PTPRQ: variants seen among roughly 807,000 people sequenced by gnomAD.
The protein encoded by PTPRQ is phosphatidylinositol phosphatase PTPRQ.
A neutral mutation model predicts 246.0 loss-of-function variants in PTPRQ; 199 were observed. The observed-to-expected ratio is 0.81, with a 90% confidence interval of 0.72 to 0.91. The LOEUF (loss-of-function observed/expected upper bound fraction) is 0.91. Ranked by LOEUF, PTPRQ falls within the 40% of genes least tolerant of loss-of-function variation. The pLI is 0.00. For synonymous variants in PTPRQ, 869 were observed against 853.2 expected, an observed-to-expected ratio of 1.02 and a Z score of -0.32; for missense variants, 2,624 against 2,528.4, an observed-to-expected ratio of 1.04 and a Z score of -0.81.
Position 80,472,085 on chromosome 12 carries a change from C to A in PTPRQ, c.1040-20C>A. ...ACGCTTGATAAAAAATAATCCATAG[C>A]TATCTTCCACTTTTTGCAGGTCGCA... is the stretch of plus-strand genomic sequence containing the variant. On this transcript the variant is annotated intron_variant, in intron 7 of 44. Transcript: ENST00000644991. The A allele has an allele frequency of 6.4e-7, 1 of 1,550,704 alleles. No individual in the cohort carries two copies. Among genetic ancestry groups the A allele is most frequent in the Non-Finnish European group, 8.7e-7 (1 of 1,146,654 alleles).
chr12:80,623,863 A>G (rs1362742463), intron 33 of PTPRQ, among the ~76,000 whole-genome samples: 1 of 152,142 alleles, frequency 6.6e-6, no homozygotes, highest in Non-Finnish European at 1.5e-5. Context: ...AGCGCCAAGC[A>G]TCAGGAACCA....
At chr12:80,612,683 C>T (rs1898598102) in intron 28 of PTPRQ, among the ~76,000 whole-genome samples, 1 of 150,318 alleles carries the variant, frequency 6.7e-6, no homozygotes. Flanking sequence ...CACTCTTGGG[C>T]ACTGATCACA....
chr12:80,623,781 C>T (rs1899088249), intron 33 of PTPRQ, among the ~76,000 whole-genome samples: 1 of 151,968 alleles, frequency 6.6e-6, no homozygotes, highest in South Asian at 2.1e-4. Flanking sequence ...CATGTTCCGT[C>T]AGTTATCTGA....
intron 25 of PTPRQ, among the ~76,000 whole-genome samples, chr12:80,585,801 T>G (rs1441822029): frequency 6.6e-6 from 1 of 151,428 alleles, no homozygotes; most frequent in Admixed American, 6.6e-5. Flanking sequence ...GTTACATATG[T>G]ATACATGTGC....
At chr12:80,488,775 C>T (rs1026029665) in intron 9 of PTPRQ, among the ~76,000 whole-genome samples, 2 of 151,838 alleles carry the variant, frequency 1.3e-5, no homozygotes, top group Admixed American at 6.6e-5. Context: ...AATTTTTTTC[C>T]AGTGAATCCC....
chr12:80,502,246 T>G (rs1427433200), intron 14 of PTPRQ, among the ~76,000 whole-genome samples: 1 of 151,876 alleles, frequency 6.6e-6, no homozygotes, highest in Admixed American at 6.6e-5. Flanking sequence ...AGCTCTCTTC[T>G]CAGTGTTTTT....
intron 26 of PTPRQ, among the ~76,000 whole-genome samples, chr12:80,599,142 A>G (rs965107594): frequency 7.2e-5 from 11 of 151,964 alleles, no homozygotes; most frequent in Non-Finnish European, 1.6e-4. Flanking sequence ...GATGGGAAAG[A>G]TGACCCTGAC....
intron 7 of PTPRQ, 101 bp downstream of exon 7, chr12:80,468,939 G>C (rs892792545): frequency 1.4e-6 from 2 of 1,448,304 alleles, no homozygotes; most frequent in African/African-American, 2.9e-5. Context: ...CTTTTTAAAA[G>C]ACTCTAAGAT....
intron 6 of PTPRQ, among the ~76,000 whole-genome samples, chr12:80,467,043 A>G (rs1196821535): frequency 1.3e-5 from 2 of 151,876 alleles, no homozygotes; most frequent in East Asian, 3.8e-4. Context: ...TGCATAGCAA[A>G]AGAAACTACC....
In PTPRQ at chr12:80,460,810, T is replaced by TG; in HGVS notation, c.819dup (p.Arg274GlufsTer9). ...CCTATCAGTTTTGTAGTGACACACT[T>TG]GAGACCTTATACAACATATCTTTTT... On this transcript the variant is annotated frameshift_variant, in exon 6 of 45. Transcript: ENST00000644991. LOFTEE classifies it high-confidence loss of function. 1 of 400,726 alleles carries TG rather than the reference T, an allele frequency of 2.5e-6. No individual in the cohort carries two copies. The allele number at this position is 400,726 out of a possible 1,614,324, so 24.8% of individuals were successfully genotyped here. A position where few individuals can be genotyped will look rare whatever the true frequency, so the allele number is the denominator to read the frequency against.
chr12:80,654,340 C>T (rs1296377896), intron 38 of PTPRQ, among the ~76,000 whole-genome samples: 4 of 152,176 alleles, frequency 2.6e-5, no homozygotes, highest in Admixed American at 6.5e-5. Flanking sequence ...CATTTTTCAA[C>T]GCATCCTTTT....
intron 17 of PTPRQ, among the ~76,000 whole-genome samples, chr12:80,523,985 T>C (rs1358524201): frequency 6.6e-6 from 1 of 152,128 alleles, no homozygotes. Flanking sequence ...CCCATTATTA[T>C]TGTGTGGGAG....
At chr12:80,455,799 C>T (rs948689762) in intron 3 of PTPRQ, among the ~76,000 whole-genome samples, 1 of 151,906 alleles carries the variant, frequency 6.6e-6, no homozygotes, top group Non-Finnish European at 1.5e-5. Flanking sequence ...ACGGGTTTCA[C>T]TATGTTGGTC....
intron 17 of PTPRQ, among the ~76,000 whole-genome samples, chr12:80,529,551 T>A (rs1463546836): frequency 6.6e-6 from 1 of 152,138 alleles, no homozygotes; most frequent in Admixed American, 6.5e-5. Flanking sequence ...GATTCCTTCA[T>A]AGGCCTAGCA....
At chr12:80,508,377 C>G (rs989650366) in intron 16 of PTPRQ, among the ~76,000 whole-genome samples, 4 of 151,902 alleles carry the variant, frequency 2.6e-5, no homozygotes, top group Non-Finnish European at 5.9e-5. Flanking sequence ...AAATGTTCCC[C>G]CAAATTATTC....
chr12:80,677,878 G>T (rs1277079665), intron 43 of PTPRQ, among the ~76,000 whole-genome samples: 1 of 152,124 alleles, frequency 6.6e-6, no homozygotes, highest in Non-Finnish European at 1.5e-5. Context: ...GCAAATGAGG[G>T]TGATTTGAAA....
At chr12:80,667,127 A>G (rs1900811892) in intron 39 of PTPRQ, among the ~76,000 whole-genome samples, 1 of 151,638 alleles carries the variant, frequency 6.6e-6, no homozygotes, top group Non-Finnish European at 1.5e-5. Flanking sequence ...ATTATCTGTT[A>G]CTCTTCCCCC....
At chr12:80,472,032 C>A (rs903610503) in intron 7 of PTPRQ, 73 bp from the exon 8 acceptor site, 3 of 1,520,726 alleles carry the variant, frequency 2.0e-6, no homozygotes, top group African/African-American at 2.8e-5. Context: ...TTGTCTTTGG[C>A]TCTGTACTTA....
chr12:80,531,794 C>A (rs969844531), intron 17 of PTPRQ, among the ~76,000 whole-genome samples: 10 of 152,170 alleles, frequency 6.6e-5, no homozygotes, highest in Admixed American at 1.3e-4. Context: ...GAAAAATAAA[C>A]CCTAAACAGA....
Sources: gnomAD v4.1 joint callset for allele counts (sites outside exome capture counted in the v4.1 genomes callset) on GRCh38, gnomAD v4.1.1 for gene constraint, MANE v1.5 for transcripts, NCBI Gene and HGNC (gene_info 2026-07-23, HGNC 2026-07-21) for gene names.